Variants in ALG12 observed in about 807,000 individuals in gnomAD.
ALG12 encodes dol-P-Man:Man(7)GlcNAc(2)-PP-Dol alpha-1,6-mannosyltransferase.
A neutral mutation model predicts 46.0 loss-of-function variants in ALG12; 36 were observed. That is an observed-to-expected ratio of 0.78 (90% CI 0.60 to 1.03). ALG12 has a LOEUF of 1.03. Ranked by LOEUF, ALG12 falls within the 50% of genes least tolerant of loss-of-function variation. ALG12 has a pLI of 0.00. For synonymous variants in ALG12, 326 were observed against 291.6 expected (o/e 1.12, Z -1.20); for missense variants, 599 against 633.5 (o/e 0.95, Z 0.58).
Position 49,906,459 on chromosome 22 carries a change from G to A in ALG12, c.992+1262C>T, listed in dbSNP as rs1294208365. ...GAGCCCCCAACCCAGGCACGGCCAC[G>A]GCAGCCGGAGGAACCCCCAGCGAGG... On this transcript the variant is annotated intron_variant, in intron 7 of 9. Coordinates refer to ENST00000330817, the MANE Select transcript of ALG12 (RefSeq NM_024105.4). This position sits in a 1 kb window ranked among gnomAD's most constrained non-coding sequence, Gnocchi z 4.4. 6.6e-6 allele frequency among the ~76,000 whole-genome samples: 1 copy of A among 152,082 alleles called. No individual in the cohort carries two copies. Among genetic ancestry groups the A allele is most frequent in the Non-Finnish European group, 1.5e-5 (1 of 67,998 alleles).
intron 1 of ALG12, among the ~76,000 whole-genome samples, chr22:49,915,575 A>G (rs2060604909): frequency 6.6e-6 from 1 of 152,162 alleles, no homozygotes; most frequent in South Asian, 2.1e-4. Context: ...ATAAATAGAT[A>G]ATAAAAAAAT....
intron 1 of ALG12, among the ~76,000 whole-genome samples, chr22:49,916,455 C>T (rs903026527): frequency 2.0e-5 from 3 of 151,986 alleles, no homozygotes; most frequent in Non-Finnish European, 4.4e-5. Context: ...GTGGTGTGCG[C>T]CTGTAATCCC....
Position 49,910,036 on chromosome 22 carries a change from C to A in ALG12, c.522G>T (p.Trp174Cys). Residue 174 changes from tryptophan to cysteine, a missense_variant, in exon 5 of 10, where the codon TGG (tryptophan) becomes TGT (cysteine). Trp to Cys is a radical substitution (Grantham distance 215). Transcript: ENST00000330817. ...ACACGATGATGGCGAAGGCTGACAGCCAGATGAAGCGGGCCCACTCGTGCC... is the reference window on the plus strand; with the variant it reads ...ACACGATGATGGCGAAGGCTGACAGACAGATGAAGCGGGCCCACTCGTGCC... ...WLRHEWARFI[W>C]LSAFAIIVFR... 1.2e-6 allele frequency: 2 copies of A among 1,613,342 alleles called. No individual in the cohort carries two copies. Among genetic ancestry groups the A allele is most frequent in the Non-Finnish European group, 1.7e-6 (2 of 1,179,874 alleles).
the ALG12 span, chr22:49,886,314 C>T: frequency 1.6e-4 from 249 of 1,575,366 alleles, no homozygotes; most frequent in African/African-American, 2.7e-3. This position sits in a 1 kb window ranked among gnomAD's most constrained non-coding sequence, Gnocchi z 7.7. Context: ...AGCATCACCT[C>T]ATCCAGGACG....
At chr22:49,887,114 T>A in the ALG12 span, 2 of 1,613,252 alleles carry the variant, frequency 1.2e-6, no homozygotes, top group Non-Finnish European at 1.7e-6. Context: ...AGGCTCATGA[T>A]GGAACATTTT....
downstream of ALG12, among the ~76,000 whole-genome samples, chr22:49,896,140 G>A (rs953860682): frequency 6.6e-6 from 1 of 152,206 alleles, no homozygotes; most frequent in African/African-American, 2.4e-5. Context: ...GAAACCCACT[G>A]GTGTGGCTCA....
At chr22:49,875,145 T>A in the ALG12 span, among the ~76,000 whole-genome samples, 1 of 152,186 alleles carries the variant, frequency 6.6e-6, no homozygotes, top group Non-Finnish European at 1.5e-5. Context: ...GTAATGTCTT[T>A]GCTGGTTTTG....
the ALG12 span, among the ~76,000 whole-genome samples, chr22:49,866,985 C>T: frequency 1.3e-5 from 2 of 152,134 alleles, no homozygotes; most frequent in Non-Finnish European, 2.9e-5. Flanking sequence ...CTAGTGTTTT[C>T]TTTTAGGTGA....
intron 1 of ALG12, 42 bp from the exon 2 acceptor site, chr22:49,913,885 C>T: frequency 7.4e-7 from 1 of 1,351,164 alleles, no homozygotes; most frequent in Non-Finnish European, 1.0e-6. Context: ...GAAAGTCACG[C>T]TTGCGCTCAC....
chr22:49,875,163 G>A, the ALG12 span, among the ~76,000 whole-genome samples: 4 of 151,902 alleles, frequency 2.6e-5, no homozygotes, highest in Admixed American at 2.6e-4. Context: ...TTGGTATCAG[G>A]GTAATGCTGC....
At chr22:49,889,682 T>A in the ALG12 span, 1 of 167,198 alleles carries the variant, frequency 6.0e-6, no homozygotes, top group Non-Finnish European at 1.5e-5. Flanking sequence ...AAACCGGCAC[T>A]CAATGGTCAA....
chr22:49,886,558 A>G, the ALG12 span: 1 of 1,558,624 alleles, frequency 6.4e-7, no homozygotes, highest in Non-Finnish European at 8.7e-7. The surrounding 1 kb of genome is among the most constrained non-coding windows in gnomAD (Gnocchi z 7.7). Flanking sequence ...CATCCTCAAC[A>G]GGAAGGTGGA....
At chr22:49,896,728 C>T (rs751306269), downstream of ALG12, among the ~76,000 whole-genome samples, 15 of 152,162 alleles carry the variant, frequency 9.9e-5, no homozygotes, top group Admixed American at 7.9e-4. Context: ...CTCCGCCTCC[C>T]GGGTTCAAGC....
chr22:49,903,562 A>G lies in ALG12; in HGVS notation c.*276T>C, dbSNP rs760147302. 1 of 633,336 alleles carries G rather than the reference A, an allele frequency of 1.6e-6. No homozygotes were observed. The highest frequency in any genetic ancestry group is 2.9e-6 in the Non-Finnish European group (1 of 340,586). 39.2% of individuals were successfully genotyped at this position (633,336 alleles called of 1,614,324 possible). ...ATGAATGGCACCTGGTCTGGGCGAC[A>G]GTCACCCGCAGGAAGCCCTGAGCTG... On this transcript the variant is annotated 3_prime_UTR_variant, in exon 10 of 10. Transcript: ENST00000330817.
the ALG12 span, chr22:49,885,346 A>G: frequency 6.3e-7 from 1 of 1,589,298 alleles, no homozygotes; most frequent in African/African-American, 1.4e-5. Flanking sequence ...AAAGACCTCG[A>G]AGCTGTGGAA....
At chr22:49,879,143 C>CA in the ALG12 span, among the ~76,000 whole-genome samples, 79 of 127,896 alleles carry the variant, frequency 6.2e-4, no homozygotes, top group South Asian at 8.6e-4. Flanking sequence ...GACTCCATCT[C>CA]AAAAAAAAAA....
the ALG12 span, among the ~76,000 whole-genome samples, chr22:49,881,592 G>A: frequency 6.6e-6 from 1 of 152,204 alleles, no homozygotes; most frequent in Non-Finnish European, 1.5e-5. Context: ...ATTCAGGCTA[G>A]TCTTCAAACT....
chr22:49,869,014 C>T, the ALG12 span, among the ~76,000 whole-genome samples: 437 of 150,284 alleles, frequency 2.9e-3, no homozygotes, highest in African/African-American at 9.7e-3. Context: ...ATCCGAGCTG[C>T]TTGTGAGACT....
chr22:49,911,240 A>G (rs1260987146), intron 3 of ALG12, among the ~76,000 whole-genome samples: 2 of 152,210 alleles, frequency 1.3e-5, no homozygotes, highest in African/African-American at 4.8e-5. Flanking sequence ...ACCTTTCCAG[A>G]AGGCCAGAGG....
Sources: gnomAD v4.1 joint callset for allele counts (sites outside exome capture counted in the v4.1 genomes callset) on GRCh38, gnomAD v4.1.1 for gene constraint, Gnocchi (gnomAD v3.1) non-coding constraint, MANE v1.5 for transcripts, NCBI Gene and HGNC (gene_info 2026-07-23, HGNC 2026-07-21) for gene names.